The following MYO3A variants were observed in gnomAD, a reference collection of about 807,000 sequenced individuals.
MYO3A encodes the protein myosin IIIA.
A neutral mutation model predicts 192.7 loss-of-function variants in MYO3A; 180 were observed. The observed-to-expected ratio is 0.93, with a 90% confidence interval of 0.83 to 1.06. MYO3A has a LOEUF of 1.06. Ranked by LOEUF, MYO3A falls within the 50% of genes least tolerant of loss-of-function variation. MYO3A has a pLI of 0.00. For synonymous variants in MYO3A, 628 were observed against 645.3 expected (o/e 0.97, Z 0.41); for missense variants, 1,896 against 1,905.0 (o/e 1.00, Z 0.09).
chr10:26,010,500 G>A (rs1841578489), intron 6 of MYO3A, among the ~76,000 whole-genome samples: 1 of 111,092 alleles, frequency 9.0e-6, no homozygotes, highest in Admixed American at 1.4e-4. Context: ...GTCTTGCTCT[G>A]TTGCCCAGGC....
chr10:26,154,718 GC>G, intron 24 of MYO3A, 27 bp from the exon 25 acceptor site: 1 of 1,596,748 alleles, frequency 6.3e-7, no homozygotes, highest in Middle Eastern at 1.7e-4. Flanking sequence ...AGATACCAAG[GC>G]ATCACTGTCT....
intron 32 of MYO3A, among the ~76,000 whole-genome samples, chr10:26,197,330 T>C (rs559823133): frequency 6.6e-6 from 1 of 152,292 alleles, no homozygotes; most frequent in Non-Finnish European, 1.5e-5. Context: ...GGCCTGAAGG[T>C]TATTTCCTGA....
chr10:26,153,840 A>T lies in MYO3A; in HGVS notation c.2636-10A>T. The T allele has an allele frequency of 6.6e-7, 1 of 1,521,528 alleles. No individual in the cohort carries two copies. The highest frequency in any genetic ancestry group is 9.1e-7 in the Non-Finnish European group (1 of 1,096,378). 94.3% of individuals were successfully genotyped at this position (1,521,528 alleles called of 1,614,324 possible). A position where few individuals can be genotyped will look rare whatever the true frequency, so the allele number is the denominator to read the frequency against. ...TAAAAGGTATATTACATTTTTCTACATTCTCATAGGTAATCTGCCACATTC... is the reference window on the plus strand; with the variant it reads ...TAAAAGGTATATTACATTTTTCTACTTTCTCATAGGTAATCTGCCACATTC... On this transcript the variant is annotated splice_polypyrimidine_tract_variant and intron_variant, in intron 23 of 34. Coordinates refer to ENST00000642920, the MANE Select transcript of MYO3A (RefSeq NM_017433.5).
chr10:26,150,611 TACA>T (rs1467708439), intron 23 of MYO3A, among the ~76,000 whole-genome samples: 1 of 152,222 alleles, frequency 6.6e-6, no homozygotes, highest in East Asian at 1.9e-4. Flanking sequence ...CACCGTTGAT[TACA>T]ACATTTTCTT....
At chr10:26,011,923 A>G (rs1841687277) in intron 6 of MYO3A, among the ~76,000 whole-genome samples, 1 of 152,224 alleles carries the variant, frequency 6.6e-6, no homozygotes, top group Non-Finnish European at 1.5e-5. Flanking sequence ...TTTTCATCCC[A>G]GGGATGCAGG....
intron 3 of MYO3A, among the ~76,000 whole-genome samples, chr10:25,953,221 G>A (rs944480300): frequency 2.6e-5 from 4 of 152,076 alleles, no homozygotes; most frequent in African/African-American, 4.8e-5. Flanking sequence ...CTAACTGTGA[G>A]ATGCTGCAAA....
intron 10 of MYO3A, among the ~76,000 whole-genome samples, chr10:26,037,016 ATTAGTC>A (rs773553247): frequency 6.7e-4 from 102 of 152,334 alleles, no homozygotes; most frequent in Non-Finnish European, 8.5e-4. Flanking sequence ...CCTGCCGTCT[ATTAGTC>A]TTGCCATGAA....
chr10:26,153,956 G>A (rs1275578357), intron 24 of MYO3A, 27 bp downstream of exon 24: 1 of 1,471,976 alleles, frequency 6.8e-7, no homozygotes, highest in Non-Finnish European at 9.5e-7. Flanking sequence ...TTTCTTGGCA[G>A]TGAGTCTAAG....
At chr10:26,002,595 C>CAGGTAATCGGAATGAGTCAGGGTGGACT (rs1564448330) in intron 6 of MYO3A, among the ~76,000 whole-genome samples, 15 of 146,190 alleles carry the variant, frequency 1.0e-4, no homozygotes, top group African/African-American at 4.0e-4. Context: ...CAGGGTGGAC[C>CAGGTAATCGGAATGAGTCAGGGTGGACT]AGGTAATCGG....
At position 26,176,596 on chromosome 10, in the gene MYO3A, G is replaced by A. The variant is rs1377557803; in HGVS notation, c.4294-105G>A. Reference sequence around the variant, plus strand: ...CAGGGTGGGCCCTGGAGAGGAACATGAGAGTCCCCAAGAGTGCTGGTAAGG... The same window carrying A: ...CAGGGTGGGCCCTGGAGAGGAACATAAGAGTCCCCAAGAGTGCTGGTAAGG... On this transcript the variant is annotated intron_variant, in intron 30 of 34. Coordinates refer to ENST00000642920, the MANE Select transcript of MYO3A (RefSeq NM_017433.5). 4 of 1,029,728 alleles carry A rather than the reference G, an allele frequency of 3.9e-6. No homozygotes were observed. The East Asian group carries it at 1.0e-4, about 26-fold the overall frequency. The allele number at this position is 1,029,728 out of a possible 1,614,324, so 63.8% of individuals were successfully genotyped here. A position where few individuals can be genotyped will look rare whatever the true frequency, so the allele number is the denominator to read the frequency against.
rs1333893178 is a variant in MYO3A, at chr10:25,941,905, C to T, written c.-18+6075C>T. ...TTTTCTCAACATAACGTCTTCTCGG[C>T]TCATCCCTCTCATACATGTTGTAGT... On this transcript the variant is annotated intron_variant, in intron 2 of 34. Coordinates refer to ENST00000642920, the MANE Select transcript of MYO3A (RefSeq NM_017433.5). Among the ~76,000 whole-genome samples, 68 of 152,252 alleles carry T rather than the reference C, an allele frequency of 4.5e-4. 1 individual carries two copies. Among genetic ancestry groups the T allele is most frequent in the Non-Finnish European group, 2.9e-5 (2 of 68,026 alleles).
At chr10:26,059,692 T>A (rs1278340958) in intron 10 of MYO3A, among the ~76,000 whole-genome samples, 1 of 152,276 alleles carries the variant, frequency 6.6e-6, no homozygotes, top group African/African-American at 2.4e-5. Context: ...TACTTTGTGT[T>A]TTTTAAAAAT....
chr10:25,957,796 T>C (rs1009547876), intron 4 of MYO3A, among the ~76,000 whole-genome samples: 5 of 152,234 alleles, frequency 3.3e-5, no homozygotes, highest in African/African-American at 1.2e-4. Flanking sequence ...CTGACTGGTG[T>C]GAGACGGTAT....
intron 2 of MYO3A, among the ~76,000 whole-genome samples, chr10:25,942,307 A>G (rs991193312): frequency 3.9e-5 from 6 of 152,150 alleles, no homozygotes; most frequent in African/African-American, 1.4e-4. Context: ...CAGCCAATTA[A>G]TAATCTGTAG....
At position 26,212,219 on chromosome 10, in the gene MYO3A, C is replaced by G; in HGVS notation, c.*256C>G. The G allele has an allele frequency of 1.9e-6, 1 of 525,304 alleles. No individual in the cohort carries two copies. Among genetic ancestry groups the G allele is most frequent in the Non-Finnish European group, 3.3e-6 (1 of 300,072 alleles). 32.5% of individuals were successfully genotyped at this position (525,304 alleles called of 1,614,324 possible). A position where few individuals can be genotyped will look rare whatever the true frequency, so the allele number is the denominator to read the frequency against. ...CCCGCACCCTCCTTTCTCACCAGCC[C>G]GCCAGTTGTGGCAACCCTGTCCTTG... On this transcript the variant is annotated 3_prime_UTR_variant, in exon 35 of 35. Transcript: ENST00000642920.
In MYO3A at chr10:25,952,699, T is replaced by A. The variant is rs1305687985; in HGVS notation, c.168+421T>A. On this transcript the variant is annotated intron_variant, in intron 3 of 34. Coordinates refer to ENST00000642920, the MANE Select transcript of MYO3A (RefSeq NM_017433.5). The stretch of plus-strand genomic sequence containing the variant: ...TTAGGCCAAACTAAAGAAGACTTTT[T>A]AAAATGAAATTTATTTCAGAGAAAG... 1.1e-4 allele frequency among the ~76,000 whole-genome samples: 16 copies of A among 152,254 alleles called. No homozygotes were observed. In the South Asian group the frequency reaches 3.3e-3, roughly 32 times the overall value.
chr10:26,176,135 A>C (rs1486171088), intron 30 of MYO3A, among the ~76,000 whole-genome samples: 1 of 152,104 alleles, frequency 6.6e-6, no homozygotes, highest in Non-Finnish European at 1.5e-5. Flanking sequence ...TCTACTAAAA[A>C]TACAAAAAAT....
intron 26 of MYO3A, 51 bp from the exon 27 acceptor site, chr10:26,166,016 G>C: frequency 1.4e-6 from 2 of 1,443,024 alleles, no homozygotes; most frequent in Non-Finnish European, 2.0e-6. Context: ...CCAAGCTACA[G>C]AGATGTTGGC....
intron 17 of MYO3A, among the ~76,000 whole-genome samples, chr10:26,104,746 C>A (rs1157522482): frequency 1.3e-5 from 2 of 151,846 alleles, no homozygotes; most frequent in African/African-American, 4.8e-5. Context: ...TCAGCTCCCT[C>A]TTCCCCATCT....
Sources: gnomAD v4.1 joint callset for allele counts (sites outside exome capture counted in the v4.1 genomes callset) on GRCh38, gnomAD v4.1.1 for gene constraint, MANE v1.5 for transcripts, NCBI Gene and HGNC (gene_info 2026-07-23, HGNC 2026-07-21) for gene names.